Variants in SYNDIG1 observed in about 807,000 individuals in gnomAD.
The protein encoded by SYNDIG1 is synapse differentiation-inducing gene protein 1.
Under a neutral mutation model 19.4 loss-of-function variants are expected in SYNDIG1, and 9 were observed. The observed-to-expected ratio is 0.46, with a 90% CI of 0.28 to 0.81. SYNDIG1 has a LOEUF of 0.81. Ranked by LOEUF, SYNDIG1 falls within the 30% of genes least tolerant of loss-of-function variation. The pLI is 0.12. For missense variants in SYNDIG1, 311 were observed against 343.3 expected, an observed-to-expected ratio of 0.91 and a Z score of 0.74; for synonymous variants, 141 against 145.9, an observed-to-expected ratio of 0.97 and a Z score of 0.24.
chr20:24,586,430 G>A (rs1185345232), intron 3 of SYNDIG1, among the ~76,000 whole-genome samples: 1 of 152,204 alleles, frequency 6.6e-6, no homozygotes, highest in Non-Finnish European at 1.5e-5. Context: ...AGTGGATGCA[G>A]GCATGAGTGA....
chr20:24,620,156 G>C (rs2059016302), intron 3 of SYNDIG1, among the ~76,000 whole-genome samples: 1 of 152,156 alleles, frequency 6.6e-6, no homozygotes, highest in South Asian at 2.1e-4. Context: ...CCAGATCCCT[G>C]TTTTCTGATA....
chr20:24,500,510 CTTTCTT>C (rs1296592980), intron 1 of SYNDIG1, among the ~76,000 whole-genome samples: 3 of 135,796 alleles, frequency 2.2e-5, no homozygotes, highest in African/African-American at 9.0e-5. Flanking sequence ...TTCTTTCTTT[CTTTCTT>C]TCTTTCTTTC....
chr20:24,532,789 G>A (rs6138314), intron 1 of SYNDIG1, among the ~76,000 whole-genome samples: 13 of 152,284 alleles, frequency 8.5e-5, no homozygotes, highest in African/African-American at 3.1e-4. Context: ...TGCTCCATGA[G>A]GACTGTAAGA....
At chr20:24,617,955 G>T (rs569068695) in intron 3 of SYNDIG1, among the ~76,000 whole-genome samples, 95 of 147,826 alleles carry the variant, frequency 6.4e-4, no homozygotes, top group African/African-American at 2.2e-3. Context: ...CCTGGGGAGG[G>T]GGAGACCCCG....
intron 2 of SYNDIG1, among the ~76,000 whole-genome samples, chr20:24,581,140 C>G: frequency 6.6e-6 from 1 of 152,132 alleles, no homozygotes; most frequent in Admixed American, 6.5e-5. Flanking sequence ...CATGTGCAAA[C>G]CCAGCACGCA....
At chr20:24,606,884 T>G (rs2058764337) in intron 3 of SYNDIG1, among the ~76,000 whole-genome samples, 1 of 152,098 alleles carries the variant, frequency 6.6e-6, no homozygotes, top group South Asian at 2.1e-4. Context: ...GAAGAAGCAG[T>G]GTTTGGAGGA....
At chr20:24,654,585 G>A (rs2059503788) in intron 3 of SYNDIG1, among the ~76,000 whole-genome samples, 1 of 149,592 alleles carries the variant, frequency 6.7e-6, no homozygotes, top group South Asian at 2.1e-4. Context: ...GCAAGAGAAA[G>A]GAAGACAGAG....
At chr20:24,622,120 C>G (rs2059048560) in intron 3 of SYNDIG1, among the ~76,000 whole-genome samples, 1 of 152,038 alleles carries the variant, frequency 6.6e-6, no homozygotes, top group Non-Finnish European at 1.5e-5. Flanking sequence ...CAATTATGAT[C>G]AATATGTGAA....
intron 3 of SYNDIG1, among the ~76,000 whole-genome samples, chr20:24,654,242 C>G (rs1272779972): frequency 1.3e-5 from 2 of 151,640 alleles, no homozygotes; most frequent in African/African-American, 4.9e-5. Flanking sequence ...TTGAGAGCGC[C>G]TCTACCATGG....
rs550849536 is a variant in SYNDIG1, at chr20:24,602,633, G to A, written c.618+17640G>A. ...AGGGAATATGTGTCCTCATATGCCT[G>A]GTCCACCCTTCTGAATTATTGTCCT... On this transcript the variant is annotated intron_variant, in intron 3 of 3. Transcript: ENST00000376862. Among the ~76,000 whole-genome samples, 5 of 152,230 alleles carry A rather than the reference G, an allele frequency of 3.3e-5. No individual in the cohort carries two copies. In the South Asian group the frequency reaches 1.0e-3, roughly 32 times the overall value.
intron 1 of SYNDIG1, among the ~76,000 whole-genome samples, chr20:24,489,645 C>T (rs772541113): frequency 6.6e-6 from 1 of 152,164 alleles, no homozygotes; most frequent in African/African-American, 2.4e-5. Flanking sequence ...AACAGACATA[C>T]ATTCACCACA....
Position 24,640,510 on chromosome 20 carries a change from GA to G in SYNDIG1, c.619-24834del, listed in dbSNP as rs1472203382. Among the ~76,000 whole-genome samples the G allele has an allele frequency of 1.7e-3, 250 of 145,514 alleles. 4 individuals are homozygous for G. The highest frequency in any genetic ancestry group is 0.014 in the Middle Eastern group (4 of 288). ...GGAAGGAAGGAAGGAAGGAAGGAAG[GA>G]AGGAAGGAAGGAAGGAAGGAGCTTT... On this transcript the variant is annotated intron_variant, in intron 3 of 3. Coordinates refer to ENST00000376862, the MANE Select transcript of SYNDIG1 (RefSeq NM_024893.3).
intron 3 of SYNDIG1, among the ~76,000 whole-genome samples, chr20:24,593,853 C>T (rs777835842): frequency 8.5e-5 from 13 of 152,054 alleles, no homozygotes; most frequent in Admixed American, 5.9e-4. Context: ...AAAAATCCAT[C>T]GTGTCCTTTG....
At chr20:24,488,680 A>G (rs1218924165) in intron 1 of SYNDIG1, among the ~76,000 whole-genome samples, 3 of 152,248 alleles carry the variant, frequency 2.0e-5, no homozygotes, top group Non-Finnish European at 4.4e-5. Context: ...AGCCTTTGCC[A>G]AGAACTCTAT....
chr20:24,593,260 A>G (rs946821722), intron 3 of SYNDIG1, among the ~76,000 whole-genome samples: 1 of 151,956 alleles, frequency 6.6e-6, no homozygotes, highest in Non-Finnish European at 1.5e-5. Context: ...TGTGTTTTCA[A>G]TGTTTAGGTT....
At chr20:24,580,422 G>C (rs1272479460) in intron 2 of SYNDIG1, among the ~76,000 whole-genome samples, 2 of 152,008 alleles carry the variant, frequency 1.3e-5, no homozygotes, top group Non-Finnish European at 2.9e-5. Flanking sequence ...TTGTTTGTTT[G>C]ATTTTTGAGA....
chr20:24,643,800 T>C (rs1469049426), intron 3 of SYNDIG1, among the ~76,000 whole-genome samples: 2 of 152,226 alleles, frequency 1.3e-5, no homozygotes, highest in Non-Finnish European at 2.9e-5. Context: ...TCATACAGAA[T>C]AGTTTCAGAG....
At chr20:24,637,502 G>A (rs1203927783) in intron 3 of SYNDIG1, among the ~76,000 whole-genome samples, 2 of 152,170 alleles carry the variant, frequency 1.3e-5, no homozygotes, top group Admixed American at 6.5e-5. Flanking sequence ...TCTTCTTCAT[G>A]AAGCCTCTTG....
At chr20:24,475,164 G>T (rs2055582367) in intron 1 of SYNDIG1, among the ~76,000 whole-genome samples, 1 of 152,186 alleles carries the variant, frequency 6.6e-6, no homozygotes, top group Non-Finnish European at 1.5e-5. Context: ...GCTAGCATGG[G>T]TCTGAGATGC....
Sources: gnomAD v4.1 joint callset for allele counts (sites outside exome capture counted in the v4.1 genomes callset) on GRCh38, gnomAD v4.1.1 for gene constraint, MANE v1.5 for transcripts, NCBI Gene and HGNC (gene_info 2026-07-23, HGNC 2026-07-21) for gene names.